The following ATF7 variants were observed in gnomAD, a reference collection of about 807,000 sequenced individuals.
The protein encoded by ATF7 is cyclic AMP-dependent transcription factor ATF-7.
In ATF7, 10 loss-of-function variants were observed where a neutral mutation model predicts 50.4. That is an observed-to-expected ratio of 0.20 (90% CI 0.12 to 0.34). ATF7 has a LOEUF of 0.34. Ranked by LOEUF, ATF7 falls within the 10% of genes least tolerant of loss-of-function variation. ATF7 has a pLI of 1.00. For synonymous variants in ATF7, 201 were observed against 226.4 expected (o/e 0.89, Z 1.01); for missense variants, 465 against 613.9 (o/e 0.76, Z 2.56).
intron 5 of ATF7, among the ~76,000 whole-genome samples, chr12:53,537,010 T>C (rs1939263463): frequency 1.3e-5 from 2 of 152,184 alleles, no homozygotes; most frequent in Admixed American, 6.5e-5. Flanking sequence ...GGAAGGAGAA[T>C]AGGTATAATT....
At chr12:53,523,695 A>G (rs1938256636) in intron 10 of ATF7, among the ~76,000 whole-genome samples, 2 of 152,252 alleles carry the variant, frequency 1.3e-5, no homozygotes, top group Non-Finnish European at 2.9e-5. Context: ...CTAGGAATCT[A>G]CATAACAGAA....
Position 53,600,820 on chromosome 12 carries a change from C to T in ATF7, c.48+133G>A, listed in dbSNP as rs114461472. On this transcript the variant is annotated intron_variant, in intron 2 of 11. Coordinates refer to ENST00000420353, the MANE Select transcript of ATF7 (RefSeq NM_006856.3). ...CACTTCCTCATAACTTGGATTTACA[C>T]ACTGCAAATCCTCTGATCTGATTAC... 3.7e-4 allele frequency: 299 copies of T among 813,286 alleles called. No individual in the cohort carries two copies. In the African/African-American group the frequency reaches 4.9e-3, roughly 13 times the overall value. 50.4% of individuals were successfully genotyped at this position (813,286 alleles called of 1,614,324 possible).
chr12:53,562,505 T>C (rs924258991), intron 2 of ATF7, among the ~76,000 whole-genome samples: 4 of 151,866 alleles, frequency 2.6e-5, no homozygotes, highest in African/African-American at 9.7e-5. Flanking sequence ...TAGCTGGGTG[T>C]GGTGGTACGC....
At chr12:53,523,247 T>TA in intron 11 of ATF7, 29 bp downstream of exon 11, 1 of 1,477,758 alleles carries the variant, frequency 6.8e-7, no homozygotes, top group South Asian at 1.1e-5. Flanking sequence ...ACTGACTGAC[T>TA]GACTTAGCTT....
intron 2 of ATF7, among the ~76,000 whole-genome samples, chr12:53,584,832 C>T (rs1400110355): frequency 5.3e-5 from 8 of 152,118 alleles, no homozygotes; most frequent in East Asian, 1.9e-4. Flanking sequence ...ATTCTGTAGA[C>T]GGCAAAACTA....
chr12:53,608,682 G>C lies in ATF7; in HGVS notation c.-21-7661C>G, dbSNP rs577698096. 5.3e-5 allele frequency among the ~76,000 whole-genome samples: 8 copies of C among 152,170 alleles called. No homozygotes were observed. In the South Asian group the frequency reaches 1.7e-3, roughly 32 times the overall value. The stretch of plus-strand genomic sequence containing the variant: ...AAGGTACCCAAACAGAGCTCTATGG[G>C]CTCTATTTCTTTATGATAATAAAAA... On this transcript the variant is annotated intron_variant, in intron 1 of 11. Transcript: ENST00000420353.
intron 2 of ATF7, among the ~76,000 whole-genome samples, chr12:53,587,898 G>A (rs1175525390): frequency 7.1e-6 from 1 of 141,110 alleles, no homozygotes; most frequent in Non-Finnish European, 1.5e-5. Context: ...CCAGGCTGGA[G>A]TGCAATGGCA....
chr12:53,573,374 T>A (rs137877977), intron 2 of ATF7, among the ~76,000 whole-genome samples: 1 of 152,198 alleles, frequency 6.6e-6, no homozygotes, highest in Admixed American at 6.5e-5. Flanking sequence ...AGTATTTGCA[T>A]ATAAAATGTG....
chr12:53,508,430 G>T (rs1425946592), downstream of ATF7, among the ~76,000 whole-genome samples: 2 of 150,986 alleles, frequency 1.3e-5, no homozygotes, highest in African/African-American at 4.9e-5. Context: ...CGTGGTGGTA[G>T]GCACCTGTAA....
At chr12:53,547,696 G>T (rs535051133) in intron 3 of ATF7, among the ~76,000 whole-genome samples, 40 of 151,662 alleles carry the variant, frequency 2.6e-4, no homozygotes, top group Admixed American at 1.8e-3. Flanking sequence ...TTCTGTCTCA[G>T]CCTCCCAAGT....
chr12:53,554,595 G>A (rs189705874), intron 2 of ATF7, among the ~76,000 whole-genome samples: 1 of 151,916 alleles, frequency 6.6e-6, no homozygotes, highest in Non-Finnish European at 1.5e-5. Flanking sequence ...AGGTGCGGTG[G>A]CTGATGCCTG....
intron 2 of ATF7, 64 bp downstream of exon 2, chr12:53,600,889 A>C: frequency 6.6e-7 from 1 of 1,510,416 alleles, no homozygotes; most frequent in Non-Finnish European, 9.1e-7. Flanking sequence ...TCTTTGCCTT[A>C]GTGATAAAAC....
At chr12:53,521,229 T>C (rs1445172355) in intron 11 of ATF7, among the ~76,000 whole-genome samples, 1 of 152,148 alleles carries the variant, frequency 6.6e-6, no homozygotes, top group Non-Finnish European at 1.5e-5. Flanking sequence ...CGACCTCAGG[T>C]GATACGCCTG....
At position 53,587,820 on chromosome 12, in the gene ATF7, C is replaced by CATATATATAT. The variant is rs1242121330; in HGVS notation, c.48+13123_48+13132dup. ...TTTTGATCCTCTATGTATACTTCTA[C>CATATATATAT]ATATATATATATATATATATATATT... On this transcript the variant is annotated intron_variant, in intron 2 of 11. Transcript: ENST00000420353. Among the ~76,000 whole-genome samples the CATATATATAT allele has an allele frequency of 7.3e-3, 486 of 66,952 alleles. 16 individuals carry two copies. The highest frequency in any genetic ancestry group is 0.012 in the Non-Finnish European group (362 of 30,044). The allele number at this position is 66,952 out of a possible 152,430, so 43.9% of individuals were successfully genotyped here.
intron 2 of ATF7, among the ~76,000 whole-genome samples, chr12:53,567,940 T>A (rs1941533859): frequency 6.6e-6 from 1 of 152,234 alleles, no homozygotes; most frequent in Non-Finnish European, 1.5e-5. Flanking sequence ...TGTTATGAGG[T>A]ACAAAATCCT....
intron 1 of ATF7, among the ~76,000 whole-genome samples, chr12:53,620,188 T>C (rs1395082900): frequency 1.3e-5 from 2 of 148,808 alleles, no homozygotes; most frequent in African/African-American, 2.5e-5. Flanking sequence ...CCTGTAATCC[T>C]AGCACTTTGG....
intron 2 of ATF7, among the ~76,000 whole-genome samples, chr12:53,590,209 T>C (rs914296726): frequency 2.6e-5 from 4 of 152,166 alleles, no homozygotes; most frequent in African/African-American, 9.7e-5. Context: ...AATAAAAACG[T>C]CCATTTCTTT....
intron 9 of ATF7, among the ~76,000 whole-genome samples, chr12:53,529,869 T>C (rs956348647): frequency 6.7e-6 from 1 of 150,026 alleles, no homozygotes; most frequent in Non-Finnish European, 1.5e-5. Flanking sequence ...GCCTCTTGAA[T>C]AGCTGGGATT....
chr12:53,586,824 C>T (rs540158902), intron 2 of ATF7, among the ~76,000 whole-genome samples: 11 of 152,240 alleles, frequency 7.2e-5, no homozygotes, highest in East Asian at 1.9e-4. Context: ...CACACGTGCA[C>T]GCTCACACAC....
Sources: gnomAD v4.1 joint callset for allele counts (sites outside exome capture counted in the v4.1 genomes callset) on GRCh38, gnomAD v4.1.1 for gene constraint, MANE v1.5 for transcripts, NCBI Gene and HGNC (gene_info 2026-07-23, HGNC 2026-07-21) for gene names.